The following IL13RA1 variants were observed in gnomAD, a reference collection of about 807,000 sequenced individuals.
IL13RA1 encodes the protein interleukin-13 receptor subunit alpha-1.
In IL13RA1, 14 loss-of-function variants were observed where a neutral mutation model predicts 33.8. The observed-to-expected ratio is 0.41, with a 90% confidence interval of 0.27 to 0.65. The LOEUF is 0.65. Among genes scored for constraint, IL13RA1 ranks in the 30% least tolerant of loss-of-function variants. The pLI is 0.28. For synonymous variants in IL13RA1, 116 were observed against 115.7 expected (o/e 1.00, Z -0.02); for missense variants, 313 against 327.0 (o/e 0.96, Z 0.33).
chrX:118,782,859 C>T (rs1277716570), intron 10 of IL13RA1, among the ~76,000 whole-genome samples: 1 of 110,672 alleles, frequency 9.0e-6, no homozygotes, highest in Admixed American at 9.6e-5. Context: ...GCCTTGGCCT[C>T]CCAAAGTGCT....
At position 118,757,678 on chromosome X, in the gene IL13RA1, C is replaced by CTTTTTTTTT. The variant is rs765835021; in HGVS notation, c.489-355_489-347dup. ...TCTCAGTCATTAAAAAGAATTCTGC[C>CTTTTTTTTT]TTTTTTTTTTTTTTTTTTTTTTTTT... On this transcript the variant is annotated intron_variant, in intron 4 of 10. Transcript: ENST00000371666. Among the ~76,000 whole-genome samples the CTTTTTTTTT allele has an allele frequency of 1.2e-4, 7 of 58,353 alleles. 1 individual carries two copies. Among genetic ancestry groups the CTTTTTTTTT allele is most frequent in the Admixed American group, 2.2e-4 (1 of 4,462 alleles). The allele number at this position is 58,353 out of a possible 115,157, so 50.7% of individuals were successfully genotyped here. A position where few individuals can be genotyped will look rare whatever the true frequency, so the allele number is the denominator to read the frequency against.
At chrX:118,798,681 G>A (rs2018045558), downstream of IL13RA1, among the ~76,000 whole-genome samples, 1 of 112,345 alleles carries the variant, frequency 8.9e-6, no homozygotes, top group Admixed American at 9.4e-5. Flanking sequence ...GGACCACACC[G>A]TTTACTAAGT....
At chrX:118,798,991 C>T (rs976913492), downstream of IL13RA1, among the ~76,000 whole-genome samples, 22 of 105,437 alleles carry the variant, frequency 2.1e-4, no homozygotes, top group Admixed American at 1.0e-3. Context: ...CTGCGTGAGG[C>T]GCTTGTGGGC....
intron 10 of IL13RA1, among the ~76,000 whole-genome samples, chrX:118,780,177 A>C (rs1241396369): frequency 8.9e-6 from 1 of 112,379 alleles, no homozygotes; most frequent in Non-Finnish European, 1.9e-5. Flanking sequence ...AAATGAAAAA[A>C]ATCTGCTTTC....
chrX:118,778,031 A>G (rs1021187329), intron 10 of IL13RA1, among the ~76,000 whole-genome samples: 2 of 111,098 alleles, frequency 1.8e-5, no homozygotes, highest in African/African-American at 6.6e-5. Context: ...CAATTTTTTC[A>G]TTAGTAAAAT....
At chrX:118,780,858 A>G (rs2017835832) in intron 10 of IL13RA1, among the ~76,000 whole-genome samples, 1 of 112,179 alleles carries the variant, frequency 8.9e-6, no homozygotes, top group Admixed American at 9.5e-5. Flanking sequence ...TAGAACCCAT[A>G]TAGCCCAAAG....
chrX:118,770,261 T>C, intron 8 of IL13RA1: 1 of 330,165 alleles, frequency 3.0e-6, no homozygotes. Context: ...TCGTGCACCC[T>C]GCAATGTCAT....
intron 10 of IL13RA1, among the ~76,000 whole-genome samples, chrX:118,784,121 A>ATATATACGTATATATATATACACG (rs1569459406): frequency 4.2e-5 from 1 of 23,546 alleles, no homozygotes; most frequent in Non-Finnish European, 6.9e-5. Context: ...GTATATATGT[A>ATATATACGTATATATATATACACG]TATATATGTA....
At chrX:118,784,991 G>A (rs1424387614) in intron 10 of IL13RA1, among the ~76,000 whole-genome samples, 1 of 110,791 alleles carries the variant, frequency 9.0e-6, no homozygotes, top group African/African-American at 3.3e-5. Context: ...GCAGTGTATG[G>A]TGTGCTTTCT....
chrX:118,787,471 T>C lies in IL13RA1; in HGVS notation c.1192-4291T>C, dbSNP rs771543289. The stretch of plus-strand genomic sequence containing the variant: ...TAGAATTTCGCCTGGTTCCTGGTCC[T>C]GCTGTGCATGCATTGTCATTGATAA... On this transcript the variant is annotated intron_variant, in intron 10 of 10. Coordinates refer to ENST00000371666, the MANE Select transcript of IL13RA1 (RefSeq NM_001560.3). Among the ~76,000 whole-genome samples, 4 of 111,701 alleles carry C rather than the reference T, an allele frequency of 3.6e-5. No homozygotes were observed. In the South Asian group the frequency reaches 1.5e-3, roughly 42 times the overall value.
At chrX:118,795,361 C>T (rs1431781880), downstream of IL13RA1, among the ~76,000 whole-genome samples, 1 of 111,355 alleles carries the variant, frequency 9.0e-6, no homozygotes, top group Non-Finnish European at 1.9e-5. Context: ...TTGTGTTAAG[C>T]TCAAGGAGTG....
chrX:118,801,768 C>T, the IL13RA1 span, among the ~76,000 whole-genome samples: 1,281 of 112,035 alleles, frequency 0.011, 19 homozygotes, highest in African/African-American at 0.037. Flanking sequence ...TCTTGTCCCT[C>T]CTCATGTGAA....
At chrX:118,773,487 T>G (rs993731728) in intron 8 of IL13RA1, among the ~76,000 whole-genome samples, 2 of 111,883 alleles carry the variant, frequency 1.8e-5, no homozygotes, top group Non-Finnish European at 3.8e-5. Context: ...TGAGAGACTC[T>G]GTCTCAAAAC....
intron 1 of IL13RA1, among the ~76,000 whole-genome samples, chrX:118,733,745 T>C (rs949550333): frequency 9.0e-6 from 1 of 111,146 alleles, no homozygotes; most frequent in Non-Finnish European, 1.9e-5. Context: ...AAAAATTTTA[T>C]AGTTTTAGTC....
At chrX:118,764,575 A>G (rs774209601) in intron 6 of IL13RA1, among the ~76,000 whole-genome samples, 1 of 110,621 alleles carries the variant, frequency 9.0e-6, no homozygotes, top group Admixed American at 9.7e-5. Context: ...GGTAGGAACT[A>G]TTTAGTGAAT....
At chrX:118,757,866 T>A (rs937467978) in intron 4 of IL13RA1, among the ~76,000 whole-genome samples, 189 bp from the exon 5 acceptor site, 3 of 108,358 alleles carry the variant, frequency 2.8e-5, no homozygotes, top group Non-Finnish European at 3.8e-5. Flanking sequence ...AATTTTTGTA[T>A]TTTTGGTAGA....
intron 1 of IL13RA1, among the ~76,000 whole-genome samples, chrX:118,736,167 A>G (rs2017279795): frequency 9.0e-6 from 1 of 111,492 alleles, no homozygotes; most frequent in South Asian, 3.7e-4. Context: ...TTTTGCTTAC[A>G]TATCATTTTC....
chrX:118,803,842 CTTG>C, the IL13RA1 span, among the ~76,000 whole-genome samples: 1 of 107,445 alleles, frequency 9.3e-6, no homozygotes, highest in South Asian at 4.2e-4. Context: ...GGAAATTCTT[CTTG>C]TTTTCTCTTT....
chrX:118,799,046 C>T (rs1433773611), downstream of IL13RA1, among the ~76,000 whole-genome samples: 1 of 112,623 alleles, frequency 8.9e-6, no homozygotes, highest in Non-Finnish European at 1.9e-5. Flanking sequence ...GGCCCGCACT[C>T]GGAGCAGCCA....
Sources: allele counts gnomAD v4.1 joint callset (sites outside exome capture counted in the v4.1 genomes callset), GRCh38; gene constraint gnomAD v4.1.1; transcripts MANE v1.5; gene names NCBI Gene and HGNC (gene_info 2026-07-23, HGNC 2026-07-21).